The following BCLAF3 variants were observed in gnomAD, a reference collection of about 807,000 sequenced individuals.
BCLAF3 encodes transient octamer binding factor 1.
A neutral mutation model predicts 51.2 loss-of-function variants in BCLAF3; 24 were observed. That is an observed-to-expected ratio of 0.47 (90% CI 0.34 to 0.66). The LOEUF (loss-of-function observed/expected upper bound fraction) is 0.66. Among genes scored for constraint, BCLAF3 ranks in the 30% least tolerant of loss-of-function variants. The pLI is 0.01. For synonymous variants in BCLAF3, 152 were observed against 176.6 expected (o/e 0.86, Z 1.10); for missense variants, 465 against 525.1 (o/e 0.89, Z 1.12).
At chrX:19,972,172 C>T (rs755072936) in intron 1 of BCLAF3, among the ~76,000 whole-genome samples, 4 of 112,178 alleles carry the variant, frequency 3.6e-5, no homozygotes, top group Non-Finnish European at 7.5e-5. Context: ...TACTTAGTAA[C>T]TAAAAGTATC....
In BCLAF3 at chrX:19,935,825, C is replaced by G; in HGVS notation, c.1934G>C (p.Arg645Thr). ...ACTCAATACCTTAAAAGGTCTTACT[C>G]TTGTGTTTCGGTGGTTTCCCTCAAC... ...FEVEGNHRNT[R>T]VRPFKSNFRG... The change falls in exon 10 of 12, where the codon AGA becomes ACA. Residue 645 changes from arginine (R) to threonine (T), a missense_variant. Physicochemically the swap from Arg to Thr is moderately conservative, Grantham distance 71. Transcript: ENST00000379682. 1 of 1,207,359 alleles carries G rather than the reference C, an allele frequency of 8.3e-7. No individual in the cohort carries two copies. The highest frequency in any genetic ancestry group is 1.1e-6 in the Non-Finnish European group (1 of 891,689).
At position 19,917,040 on chromosome X, in the gene BCLAF3, T is replaced by A. The variant is rs1321931053; in HGVS notation, c.*265A>T. The A allele has an allele frequency of 1.5e-5, 5 of 338,635 alleles. No individual in the cohort carries two copies. Among genetic ancestry groups the A allele is most frequent in the Non-Finnish European group, 2.5e-5 (5 of 198,170 alleles). The allele number at this position is 338,635 out of a possible 1,213,427, so 27.9% of individuals were successfully genotyped here. On this transcript the variant is annotated 3_prime_UTR_variant, in exon 12 of 12. Coordinates refer to ENST00000379682, the MANE Select transcript of BCLAF3 (RefSeq NM_001367774.2). ...GAAACCATGCTCAGAGAAAAATGCA[T>A]CAACAAATAATGCCCTTCAAGTGAT...
At position 19,975,782 on chromosome X, in the gene BCLAF3, C is replaced by T. The variant is rs1467220813; in HGVS notation, c.-34-5484G>A. 4.5e-5 allele frequency among the ~76,000 whole-genome samples: 5 copies of T among 112,237 alleles called. No individual in the cohort carries two copies. In the East Asian group the frequency reaches 1.4e-3, roughly 31 times the overall value. On this transcript the variant is annotated intron_variant, in intron 1 of 11. Transcript: ENST00000379682. The stretch of plus-strand genomic sequence containing the variant: ...GGGATTACAGGCGTGAACCACCACA[C>T]ATGGCTGCCAGGAGCATTTCACACA...
chrX:19,965,038 T>C lies in BCLAF3; in HGVS notation c.1274+6A>G. 8.9e-6 allele frequency: 10 copies of C among 1,123,743 alleles called. No individual in the cohort carries two copies. The highest frequency in any genetic ancestry group is 1.2e-5 in the Non-Finnish European group (10 of 846,622). 92.6% of individuals were successfully genotyped at this position (1,123,743 alleles called of 1,213,427 possible). A position where few individuals can be genotyped will look rare whatever the true frequency, so the allele number is the denominator to read the frequency against. On this transcript the variant is annotated splice_donor_region_variant and intron_variant, in intron 4 of 11. Transcript: ENST00000379682. ...AAATATCATAAAGAAAAAACAAAGA[T>C]AATACCTGAATGTATCTACTGTTTT... is the stretch of plus-strand genomic sequence containing the variant.
intron 8 of BCLAF3, among the ~76,000 whole-genome samples, chrX:19,940,068 T>C (rs1397114287): frequency 8.9e-6 from 1 of 111,765 alleles, no homozygotes; most frequent in Non-Finnish European, 1.9e-5. Flanking sequence ...TTAAAAATGG[T>C]TAAAATGGTA....
chrX:19,957,266 T>G (rs1408375319), intron 4 of BCLAF3, among the ~76,000 whole-genome samples: 1 of 111,832 alleles, frequency 8.9e-6, no homozygotes, highest in Non-Finnish European at 1.9e-5. Flanking sequence ...CCACTGTGTA[T>G]GTGATAACTA....
chrX:19,959,555 T>C (rs2071780621), intron 4 of BCLAF3, among the ~76,000 whole-genome samples: 1 of 109,876 alleles, frequency 9.1e-6, no homozygotes, highest in Admixed American at 9.6e-5. Flanking sequence ...GGAGGATTGC[T>C]TGAGCTCAGG....
In BCLAF3 at chrX:19,970,257, C is replaced by T. The variant is rs748091360; in HGVS notation, c.8G>A (p.Arg3Gln). The change falls in exon 2 of 12, where the codon CGG (arginine) becomes CAG (glutamine). Residue 3 changes from arginine (R) to glutamine (Q), a missense_variant. By Grantham distance (43) the Arg-to-Gln change is conservative (BLOSUM62 1). Transcript: ENST00000379682. ...CCACCTGGGGGATCTAGATCGTGAC[C>T]GTGCCATCCTTTGACACGTGAGCCA... MA[R>Q]SRSRSPRWKH... The T allele has an allele frequency of 4.1e-6, 5 of 1,210,019 alleles. No individual in the cohort carries two copies. Among genetic ancestry groups the T allele is most frequent in the Middle Eastern group, 2.3e-4 (1 of 4,375 alleles).
intron 11 of BCLAF3, among the ~76,000 whole-genome samples, chrX:19,925,750 A>C (rs1214868884): frequency 9.0e-6 from 1 of 111,530 alleles, no homozygotes; most frequent in Admixed American, 9.6e-5. Context: ...CCAGGCCTTC[A>C]CTCTTTTTTT....
At position 19,917,146 on chromosome X, in the gene BCLAF3, G is replaced by A. The variant is rs921801416; in HGVS notation, c.*159C>T. 8.0e-6 allele frequency: 4 copies of A among 499,500 alleles called. No individual in the cohort carries two copies. Among genetic ancestry groups the A allele is most frequent in the South Asian group, 6.0e-5 (2 of 33,088 alleles). The allele number at this position is 499,500 out of a possible 1,213,427, so 41.2% of individuals were successfully genotyped here. A position where few individuals can be genotyped will look rare whatever the true frequency, so the allele number is the denominator to read the frequency against. ...ACTGTAATTTAAAAGCAATTGTTAG[G>A]TGTAAAAAAGTTGCAGCATTCCACT... On this transcript the variant is annotated 3_prime_UTR_variant, in exon 12 of 12. Coordinates refer to ENST00000379682, the MANE Select transcript of BCLAF3 (RefSeq NM_001367774.2).
Position 19,964,189 on chromosome X carries a change from C to G in BCLAF3, c.1274+855G>C, listed in dbSNP as rs756348731. ...ACATACCAAATCAACATGGCCCCCC[C>G]CTTTTTCATTCACATACTGGTAGTG... On this transcript the variant is annotated intron_variant, in intron 4 of 11. Transcript: ENST00000379682. Among the ~76,000 whole-genome samples the G allele has an allele frequency of 8.1e-5, 9 of 111,437 alleles. No homozygotes were observed. In the South Asian group the frequency reaches 3.0e-3, roughly 37 times the overall value.
At chrX:19,921,721 C>T (rs1046415887) in intron 11 of BCLAF3, among the ~76,000 whole-genome samples, 1 of 106,845 alleles carries the variant, frequency 9.4e-6, no homozygotes, top group Non-Finnish European at 1.9e-5. Context: ...AAAAAATTGG[C>T]CAGGCGTGGT....
chrX:19,974,350 T>C (rs1193592701), intron 1 of BCLAF3, among the ~76,000 whole-genome samples: 1 of 111,584 alleles, frequency 9.0e-6, no homozygotes, highest in Non-Finnish European at 1.9e-5. Flanking sequence ...TAGAATCGCC[T>C]GGAGGGCTGG....
At chrX:19,925,252 AG>A (rs1398513632) in intron 11 of BCLAF3, among the ~76,000 whole-genome samples, 1 of 110,983 alleles carries the variant, frequency 9.0e-6, no homozygotes, top group Admixed American at 9.6e-5. Context: ...TGTTGGAGGC[AG>A]GAAGTGCATG....
chrX:19,939,120 G>T (rs745337381), intron 8 of BCLAF3, among the ~76,000 whole-genome samples: 7 of 111,963 alleles, frequency 6.3e-5, no homozygotes, highest in Non-Finnish European at 1.3e-4. Flanking sequence ...GATCAAAAGA[G>T]TAAAGTGCAA....
At chrX:19,968,704 A>G (rs974563950) in intron 2 of BCLAF3, among the ~76,000 whole-genome samples, 6 of 113,098 alleles carry the variant, frequency 5.3e-5, no homozygotes, top group Non-Finnish European at 9.4e-5. Flanking sequence ...GTAAGGTAAA[A>G]TATCAGATCC....
At chrX:19,986,552 A>T (rs1480056385) in intron 1 of BCLAF3, among the ~76,000 whole-genome samples, 1 of 111,977 alleles carries the variant, frequency 8.9e-6, no homozygotes, top group Non-Finnish European at 1.9e-5. Context: ...GGAACACAGA[A>T]TCTCAGAAAC....
chrX:19,972,430 A>G (rs1172105684), intron 1 of BCLAF3, among the ~76,000 whole-genome samples: 3 of 112,350 alleles, frequency 2.7e-5, no homozygotes, highest in Non-Finnish European at 5.6e-5. Context: ...ATTGCTGATG[A>G]TAATGAGAAA....
chrX:19,968,564 C>T (rs990683557), intron 2 of BCLAF3, among the ~76,000 whole-genome samples: 4 of 112,843 alleles, frequency 3.5e-5, no homozygotes, highest in African/African-American at 9.6e-5. Flanking sequence ...CCAGCCCTCA[C>T]GGGACCCAGA....
Sources: gnomAD v4.1 joint callset for allele counts (sites outside exome capture counted in the v4.1 genomes callset) on GRCh38, gnomAD v4.1.1 for gene constraint, MANE v1.5 for transcripts, NCBI Gene and HGNC (gene_info 2026-07-23, HGNC 2026-07-21) for gene names.